The following BRAF variants were observed in gnomAD, a reference collection of about 807,000 sequenced individuals.
The protein encoded by BRAF is serine/threonine-protein kinase B-raf.
In BRAF, 16 loss-of-function variants were observed where a neutral mutation model predicts 104.6. That is an observed-to-expected ratio of 0.15 (90% CI 0.10 to 0.23). The LOEUF (loss-of-function observed/expected upper bound fraction) is 0.23. Among genes scored for constraint, BRAF ranks in the 10% least tolerant of loss-of-function variants. The pLI is 1.00. For missense variants in BRAF, 541 were observed against 937.3 expected, an observed-to-expected ratio of 0.58 and a Z score of 5.52; for synonymous variants, 310 against 341.6, an observed-to-expected ratio of 0.91 and a Z score of 1.02.
intron 15 of BRAF, 131 bp downstream of exon 14, chr7:140,754,056 A>G: frequency 1.0e-6 from 1 of 989,888 alleles, no homozygotes; most frequent in Non-Finnish European, 1.6e-6. Context: ...TGCATGCACA[A>G]TCCTTTATTA....
chr7:140,920,865 A>G (rs751288848), intron 1 of BRAF, among the ~76,000 whole-genome samples: 3 of 152,232 alleles, frequency 2.0e-5, no homozygotes, highest in Non-Finnish European at 2.9e-5. Flanking sequence ...ACCTGTGAAT[A>G]TATCTGTATA....
intron 1 of BRAF, among the ~76,000 whole-genome samples, chr7:140,890,937 A>G (rs1453499672): frequency 3.9e-5 from 6 of 152,262 alleles, no homozygotes; most frequent in Admixed American, 6.5e-5. Flanking sequence ...ATTCTGATTT[A>G]AAGTAAAAGT....
At chr7:140,748,636 A>G (rs917149915) in intron 17 of BRAF, among the ~76,000 whole-genome samples, 1 of 152,190 alleles carries the variant, frequency 6.6e-6, no homozygotes, top group Non-Finnish European at 1.5e-5. Context: ...AGGTAATTTT[A>G]GTAAAGATAA....
chr7:140,826,579 T>C (rs1806074905), intron 3 of BRAF, among the ~76,000 whole-genome samples: 1 of 152,184 alleles, frequency 6.6e-6, no homozygotes, highest in Non-Finnish European at 1.5e-5. Flanking sequence ...AGGAGAACCC[T>C]CTAAAGCATC....
chr7:140,850,098 C>T lies in BRAF; in HGVS notation c.240+13G>A. 1 of 1,566,352 alleles carries T rather than the reference C, an allele frequency of 6.4e-7. No homozygotes were observed. Among genetic ancestry groups the T allele is most frequent in the South Asian group, 1.1e-5 (1 of 89,778 alleles). On this transcript the variant is annotated intron_variant, in intron 2 of 19. Coordinates refer to ENST00000644969, the MANE Select transcript of BRAF (RefSeq NM_001374258.1). The stretch of plus-strand genomic sequence containing the variant: ...CTTTTCAAAATTACTAGATATGATA[C>T]TCAAAAGCTTACCTCCAGATATATT...
intron 12 of BRAF, 30 bp from the exon 12 acceptor site, chr7:140,778,105 T>A (rs751634958): frequency 4.4e-5 from 71 of 1,606,842 alleles, no homozygotes; most frequent in Non-Finnish European, 5.9e-5. Flanking sequence ...CCAAGTGTCA[T>A]TTCAATTTTT....
At chr7:140,864,822 A>G (rs912110730) in intron 1 of BRAF, among the ~76,000 whole-genome samples, 1 of 152,118 alleles carries the variant, frequency 6.6e-6, no homozygotes, top group Admixed American at 6.6e-5. Context: ...AATTTAATCG[A>G]GGGGAGAAGA....
chr7:140,875,947 G>C (rs1812195198), intron 1 of BRAF, among the ~76,000 whole-genome samples: 1 of 152,204 alleles, frequency 6.6e-6, no homozygotes, highest in Non-Finnish European at 1.5e-5. Flanking sequence ...ATTGCTAAAA[G>C]AAATTCCTCA....
At chr7:140,891,584 G>T (rs1345982998) in intron 1 of BRAF, among the ~76,000 whole-genome samples, 1 of 152,046 alleles carries the variant, frequency 6.6e-6, no homozygotes, top group Middle Eastern at 3.2e-3. Flanking sequence ...AGATATGGAG[G>T]GCCACTGTAG....
chr7:140,910,381 T>C (rs1816833387), intron 1 of BRAF, among the ~76,000 whole-genome samples: 1 of 152,244 alleles, frequency 6.6e-6, no homozygotes, highest in South Asian at 2.1e-4. Context: ...CATGTCTTCT[T>C]GATCTGTTAT....
intron 1 of BRAF, among the ~76,000 whole-genome samples, chr7:140,870,021 G>C (rs1431376724): frequency 6.6e-6 from 1 of 152,150 alleles, no homozygotes; most frequent in African/African-American, 2.4e-5. Context: ...AAGGGGGAAA[G>C]GAAGGAAAGA....
In BRAF at chr7:140,886,754, G is replaced by C. The variant is rs1359088711; in HGVS notation, c.139-36542C>G. On this transcript the variant is annotated intron_variant, in intron 1 of 19. Coordinates refer to ENST00000644969, the MANE Select transcript of BRAF (RefSeq NM_001374258.1). ...TTCTTTTGGCACATATCACAATTCA[G>C]AATTTGCGTGTGTGTGTATGTATGT... 2.6e-5 allele frequency among the ~76,000 whole-genome samples: 4 copies of C among 152,228 alleles called. No homozygotes were observed. The South Asian group carries it at 6.2e-4, about 24-fold the overall frequency.
chr7:140,857,568 C>T (rs1262379725), intron 1 of BRAF, among the ~76,000 whole-genome samples: 1 of 152,026 alleles, frequency 6.6e-6, no homozygotes, highest in African/African-American at 2.4e-5. Flanking sequence ...TTAGGTTTTA[C>T]TAATGAGTTT....
At chr7:140,753,117 T>A (rs1015486064) in intron 16 of BRAF, among the ~76,000 whole-genome samples, 158 bp downstream of exon 15, 3 of 152,162 alleles carry the variant, frequency 2.0e-5, no homozygotes, top group Non-Finnish European at 4.4e-5. Context: ...AAGAAAAAAG[T>A]TAAAAAATCT....
chr7:140,755,444 C>T (rs1386966396), intron 14 of BRAF, among the ~76,000 whole-genome samples: 1 of 152,138 alleles, frequency 6.6e-6, no homozygotes, highest in Non-Finnish European at 1.5e-5. Context: ...CATGCTGTCT[C>T]ATCTTCATTT....
chr7:140,841,321 ACTGT>A (rs1473440667), intron 2 of BRAF, among the ~76,000 whole-genome samples: 1 of 152,154 alleles, frequency 6.6e-6, no homozygotes, highest in Non-Finnish European at 1.5e-5. Flanking sequence ...ACTTTGAAAA[ACTGT>A]CTGGCAGTTA....
At chr7:140,760,549 A>T (rs903428583) in intron 14 of BRAF, among the ~76,000 whole-genome samples, 1 of 152,162 alleles carries the variant, frequency 6.6e-6, no homozygotes, top group Admixed American at 6.5e-5. Context: ...GAGAAGTTTT[A>T]CTGTCGAAGG....
rs1217943672 is a variant in BRAF, at chr7:140,801,399, T to C, written c.860+13A>G. The C allele has an allele frequency of 6.2e-7, 1 of 1,613,322 alleles. No individual in the cohort carries two copies. The highest frequency in any genetic ancestry group is 1.7e-5 in the Admixed American group (1 of 60,012). On this transcript the variant is annotated intron_variant, in intron 6 of 19. Transcript: ENST00000644969. ...AATGGTAGGTAGAAAAGAGATATTTTTGGATTACTTACTCAAGTTGGTCAT... is the reference window on the plus strand; with the variant it reads ...AATGGTAGGTAGAAAAGAGATATTTCTGGATTACTTACTCAAGTTGGTCAT...
intron 3 of BRAF, among the ~76,000 whole-genome samples, chr7:140,809,247 AAAG>A (rs1019897764): frequency 7.9e-5 from 12 of 152,296 alleles, no homozygotes; most frequent in Middle Eastern, 3.4e-3. Context: ...AAACATATAA[AAAG>A]AAGAAGTAAC....
Sources: gnomAD v4.1 joint callset for allele counts (sites outside exome capture counted in the v4.1 genomes callset) on GRCh38, gnomAD v4.1.1 for gene constraint, MANE v1.5 for transcripts, NCBI Gene and HGNC (gene_info 2026-07-23, HGNC 2026-07-21) for gene names.